PHEX: variants seen among roughly 807,000 people sequenced by gnomAD.
PHEX encodes phosphate regulating endopeptidase X-linked, also known as phosphate-regulating neutral endopeptidase PHEX.
PHEX carries 16 observed loss-of-function variants against 68.0 expected under a neutral mutation model. The ratio of observed to expected loss-of-function variants is 0.24; its 90% confidence interval spans 0.16 to 0.36. The LOEUF (loss-of-function observed/expected upper bound fraction) is 0.36. PHEX is among the 10% of genes least tolerant of loss of function. PHEX has a pLI of 1.00. For synonymous variants in PHEX, 208 were observed against 205.1 expected, an observed-to-expected ratio of 1.01 and a Z score of -0.12; for missense variants, 480 against 575.5, an observed-to-expected ratio of 0.83 and a Z score of 1.70.
chrX:22,179,018 G>T lies in PHEX; in HGVS notation c.1586+642G>T, dbSNP rs774884012. Among the ~76,000 whole-genome samples the T allele has an allele frequency of 9.8e-5, 11 of 112,166 alleles. No homozygotes were observed. In the East Asian group the frequency reaches 3.1e-3, roughly 32 times the overall value. On this transcript the variant is annotated intron_variant, in intron 14 of 21. Coordinates refer to ENST00000379374, the MANE Select transcript of PHEX (RefSeq NM_000444.6). ...ATTATTATTTGTTTACATTGTACCA[G>T]AAAGTGCTTTACAATTTTTAATTCA...
intron 11 of PHEX, among the ~76,000 whole-genome samples, chrX:22,132,254 A>G (rs1483215226): frequency 1.8e-5 from 2 of 110,754 alleles, no homozygotes; most frequent in Non-Finnish European, 3.8e-5. Flanking sequence ...TGCAGGCGCC[A>G]CCATGCCTGG....
At chrX:22,044,691 C>T (rs113112477) in intron 2 of PHEX, among the ~76,000 whole-genome samples, 3,229 of 107,164 alleles carry the variant, frequency 0.03, 49 homozygotes, top group Non-Finnish European at 0.034. Context: ...CCAGCCTGGG[C>T]GACAGAGCAA....
At chrX:22,246,570 C>T (rs1406030390) in intron 21 of PHEX, among the ~76,000 whole-genome samples, 1 of 112,133 alleles carries the variant, frequency 8.9e-6, no homozygotes, top group Non-Finnish European at 1.9e-5. Flanking sequence ...ACCAATGGTG[C>T]AGATGAACTC....
chrX:22,061,576 A>G (rs1421894037), intron 3 of PHEX, among the ~76,000 whole-genome samples: 1 of 111,636 alleles, frequency 9.0e-6, no homozygotes, highest in African/African-American at 3.3e-5. Context: ...ACCTTATTTA[A>G]TAATATCATT....
At chrX:22,112,614 A>C (rs1160953287) in intron 10 of PHEX, among the ~76,000 whole-genome samples, 4 of 111,461 alleles carry the variant, frequency 3.6e-5, no homozygotes, top group Non-Finnish European at 7.5e-5. Context: ...TAGCATATAA[A>C]GTTACTTTAG....
At chrX:22,070,972 C>T (rs953131589) in intron 3 of PHEX, among the ~76,000 whole-genome samples, 18 of 112,005 alleles carry the variant, frequency 1.6e-4, no homozygotes, top group Admixed American at 1.1e-3. Context: ...ATTGTAGAAA[C>T]TTTAAATGAT....
At chrX:22,138,730 A>G (rs1932333035) in intron 12 of PHEX, among the ~76,000 whole-genome samples, 1 of 112,148 alleles carries the variant, frequency 8.9e-6, no homozygotes, top group South Asian at 3.7e-4. Flanking sequence ...CTTTCATCAA[A>G]CTGTCTCCTG....
intron 20 of PHEX, among the ~76,000 whole-genome samples, chrX:22,239,350 C>T (rs1307906853): frequency 1.8e-5 from 2 of 110,974 alleles, no homozygotes; most frequent in African/African-American, 6.6e-5. Context: ...CACAACTCCT[C>T]GCCAGCAAGG....
chrX:22,247,428 G>C (rs780336880), intron 21 of PHEX, among the ~76,000 whole-genome samples: 6 of 112,011 alleles, frequency 5.4e-5, no homozygotes, highest in African/African-American at 1.9e-4. Context: ...TGTTGGTATG[G>C]AACAGGCAGG....
At position 22,144,673 on chromosome X, in the gene PHEX, C is replaced by T. The variant is rs374413280; in HGVS notation, c.1404+11049C>T. ...CCATTAACATACTTGACAATATTAA[C>T]ATTAATTCCTTATTAGTATCCTGTC... On this transcript the variant is annotated intron_variant, in intron 12 of 21. Coordinates refer to ENST00000379374, the MANE Select transcript of PHEX (RefSeq NM_000444.6). Among the ~76,000 whole-genome samples, 4 of 109,616 alleles carry T rather than the reference C, an allele frequency of 3.6e-5. No individual in the cohort carries two copies. The East Asian group carries it at 8.6e-4, about 23-fold the overall frequency.
At chrX:22,137,102 A>G (rs944446142) in intron 12 of PHEX, among the ~76,000 whole-genome samples, 1 of 111,251 alleles carries the variant, frequency 9.0e-6, no homozygotes, top group African/African-American at 3.3e-5. Context: ...CTTCTGGAGG[A>G]TTTGCCCTTG....
Position 22,047,188 on chromosome X carries a change from A to G in PHEX, c.326A>G (p.His109Arg). The G allele has an allele frequency of 8.3e-7, 1 of 1,210,215 alleles. No homozygotes were observed. The highest frequency in any genetic ancestry group is 1.1e-6 in the Non-Finnish European group (1 of 893,926). The part of the protein sequence containing the change: ...PSYGVYPWLR[H>R]NVDLKLKELL... ...TATGGGGTTTATCCTTGGCTGAGAC[A>G]TAATGTTGACCTCAAGTTGAAGGGT... The change falls in exon 3 of 22, where the codon CAT becomes CGT. Residue 109 changes from histidine (H) to arginine (R), a missense_variant. Coordinates refer to ENST00000379374, the MANE Select transcript of PHEX (RefSeq NM_000444.6).
At chrX:22,075,473 C>G (rs1364730723) in intron 3 of PHEX, among the ~76,000 whole-genome samples, 1 of 110,723 alleles carries the variant, frequency 9.0e-6, no homozygotes, top group Non-Finnish European at 1.9e-5. Flanking sequence ...CCCCAAATGC[C>G]TTGACAAGGC....
At chrX:22,225,851 G>A (rs769145021) in intron 18 of PHEX, among the ~76,000 whole-genome samples, 1 of 111,971 alleles carries the variant, frequency 8.9e-6, no homozygotes, top group South Asian at 3.7e-4. Flanking sequence ...TTGAATATTG[G>A]GAATAATTTT....
At chrX:22,168,728 G>A (rs1470293872) in intron 13 of PHEX, among the ~76,000 whole-genome samples, 1 of 112,268 alleles carries the variant, frequency 8.9e-6, no homozygotes, top group Admixed American at 9.5e-5. Context: ...CATCATGTTT[G>A]TTGTTAAATA....
At chrX:22,087,516 A>C (rs975489232) in intron 5 of PHEX, among the ~76,000 whole-genome samples, 15 of 111,798 alleles carry the variant, frequency 1.3e-4, no homozygotes, top group Non-Finnish European at 2.8e-4. Context: ...AATTTTTCAT[A>C]ATATCACTAA....
rs1010395461 is a variant in PHEX at position 22,190,898 on chromosome X, G to C, written c.1645+396G>C. On this transcript the variant is annotated intron_variant, in intron 15 of 21. Transcript: ENST00000379374. ...ATTGTAGAACCTGAGCGGACCATCTGTATGTAAGAAAGAAGCTTGGAAATA... is the reference window on the plus strand; with the variant it reads ...ATTGTAGAACCTGAGCGGACCATCTCTATGTAAGAAAGAAGCTTGGAAATA... Among the ~76,000 whole-genome samples the C allele has an allele frequency of 5.4e-5, 6 of 112,083 alleles. 1 individual carries two copies. Among genetic ancestry groups the C allele is most frequent in the Non-Finnish European group, 5.6e-5 (3 of 53,273 alleles).
At chrX:22,214,557 A>G (rs1935025683) in intron 16 of PHEX, among the ~76,000 whole-genome samples, 1 of 112,068 alleles carries the variant, frequency 8.9e-6, no homozygotes, top group Non-Finnish European at 1.9e-5. Context: ...AACATGCTTC[A>G]GAGTGATCCC....
At chrX:22,060,716 A>G (rs1405220062) in intron 3 of PHEX, among the ~76,000 whole-genome samples, 1 of 111,575 alleles carries the variant, frequency 9.0e-6, no homozygotes, top group African/African-American at 3.3e-5. Context: ...ACTTTAGAAG[A>G]TTGTGGGCTA....
Sources: gnomAD v4.1 joint callset for allele counts (sites outside exome capture counted in the v4.1 genomes callset) on GRCh38, gnomAD v4.1.1 for gene constraint, MANE v1.5 for transcripts, NCBI Gene and HGNC (gene_info 2026-07-23, HGNC 2026-07-21) for gene names.